The following PHACTR1 variants were observed in gnomAD, a reference collection of about 807,000 sequenced individuals.
PHACTR1 encodes phosphatase and actin regulator 1.
Under a neutral mutation model 69.2 loss-of-function variants are expected in PHACTR1, and 16 were observed. The ratio of observed to expected loss-of-function variants is 0.23; its 90% CI spans 0.16 to 0.35. The LOEUF (loss-of-function observed/expected upper bound fraction) is 0.35. Ranked by LOEUF, PHACTR1 falls within the 10% of genes least tolerant of loss-of-function variation. The pLI is 1.00. For synonymous variants in PHACTR1, 312 were observed against 284.5 expected (o/e 1.10, Z -0.97); for missense variants, 510 against 734.7 (o/e 0.69, Z 3.54).
intron 10 of PHACTR1, chr6:13,264,872 A>G (rs1303229750): frequency 6.6e-6 from 1 of 152,066 alleles, no homozygotes; most frequent in Non-Finnish European, 1.5e-5. Flanking sequence ...AAAATTAAAA[A>G]TTAGCTAGGT....
intron 4 of PHACTR1, among the ~76,000 whole-genome samples, chr6:12,940,230 T>C (rs956963370): frequency 3.9e-5 from 6 of 152,214 alleles, no homozygotes; most frequent in African/African-American, 1.4e-4. Flanking sequence ...GGAATGATTT[T>C]TGGTACATGT....
chr6:13,148,066 T>C lies in PHACTR1; in HGVS notation c.416-12138T>C, dbSNP rs149389208. Reference sequence around the variant, plus strand: ...AGATACATTTCTCTAAACCATATATTGAGTTTTTCTGGTTTTTGAACTTTA... The same window carrying C: ...AGATACATTTCTCTAAACCATATATCGAGTTTTTCTGGTTTTTGAACTTTA... On this transcript the variant is annotated intron_variant, in intron 5 of 14. Coordinates refer to ENST00000332995, the MANE Select transcript of PHACTR1 (RefSeq NM_030948.6). 6.6e-5 allele frequency among the ~76,000 whole-genome samples: 10 copies of C among 152,200 alleles called. No homozygotes were observed. In the East Asian group the frequency reaches 7.7e-4, roughly 12 times the overall value.
rs573048065 is a variant in PHACTR1 at position 12,907,901 on chromosome 6, C to T, written c.251-145464C>T. On this transcript the variant is annotated intron_variant, in intron 4 of 14. Coordinates refer to ENST00000332995, the MANE Select transcript of PHACTR1 (RefSeq NM_030948.6). ...AGAGGCTCCTTGAGGCCTTTTCTTA[C>T]GATGCAGAGTGGTAGTATAATGGAA... Among the ~76,000 whole-genome samples the T allele has an allele frequency of 7.9e-5, 12 of 152,220 alleles. No homozygotes were observed. In the South Asian group the frequency reaches 8.3e-4, roughly 11 times the overall value.
intron 4 of PHACTR1, among the ~76,000 whole-genome samples, chr6:12,779,794 T>C (rs540088657): frequency 6.6e-6 from 1 of 152,350 alleles, no homozygotes; most frequent in African/African-American, 2.4e-5. Context: ...TGCAGCTATA[T>C]ATACTTACAT....
At chr6:12,775,933 A>G (rs534004449) in intron 4 of PHACTR1, among the ~76,000 whole-genome samples, 1 of 152,334 alleles carries the variant, frequency 6.6e-6, no homozygotes, top group South Asian at 2.1e-4. Flanking sequence ...TTAAATGCTT[A>G]CTTTATACCA....
intron 4 of PHACTR1, among the ~76,000 whole-genome samples, chr6:12,956,960 C>T (rs551539625): frequency 6.6e-6 from 1 of 152,048 alleles, no homozygotes; most frequent in South Asian, 2.1e-4. Context: ...AGAATTGAAC[C>T]GAAGGGAACT....
intron 4 of PHACTR1, among the ~76,000 whole-genome samples, chr6:12,821,462 CAAAAAAAAAA>C (rs71552718): frequency 1.2e-5 from 1 of 80,942 alleles, no homozygotes; most frequent in Non-Finnish European, 2.5e-5. Flanking sequence ...GATTTCACAT[CAAAAAAAAAA>C]AAAAAAAAAA....
intron 4 of PHACTR1, among the ~76,000 whole-genome samples, chr6:12,958,291 A>G (rs1305089043): frequency 6.6e-6 from 1 of 152,218 alleles, no homozygotes; most frequent in Non-Finnish European, 1.5e-5. Flanking sequence ...TTCACTTGCA[A>G]ATCTCACTGC....
At chr6:12,847,215 G>C in intron 4 of PHACTR1, among the ~76,000 whole-genome samples, 1 of 152,026 alleles carries the variant, frequency 6.6e-6, no homozygotes, top group East Asian at 1.9e-4. Flanking sequence ...GACCACACCT[G>C]GTATAATCAC....
chr6:12,941,224 A>G (rs1401022213), intron 4 of PHACTR1, among the ~76,000 whole-genome samples: 1 of 152,210 alleles, frequency 6.6e-6, no homozygotes, highest in East Asian at 1.9e-4. Context: ...AAACCAGACC[A>G]GCAGTAAAGT....
At chr6:12,891,293 A>G (rs1784147895) in intron 4 of PHACTR1, among the ~76,000 whole-genome samples, 1 of 152,098 alleles carries the variant, frequency 6.6e-6, no homozygotes, top group South Asian at 2.1e-4. Context: ...TTAACATGCT[A>G]AAGTGGGTAA....
At chr6:12,944,773 A>ATTTTTTTTTTTT (rs1582625752) in intron 4 of PHACTR1, among the ~76,000 whole-genome samples, 1 of 106,082 alleles carries the variant, frequency 9.4e-6, no homozygotes, top group African/African-American at 4.4e-5. Flanking sequence ...TTATTTATTT[A>ATTTTTTTTTTTT]TTTATTTTTA....
chr6:12,911,141 C>G (rs1045465056), intron 4 of PHACTR1, among the ~76,000 whole-genome samples: 1 of 152,142 alleles, frequency 6.6e-6, no homozygotes, highest in African/African-American at 2.4e-5. Context: ...CTCAGGAAAT[C>G]CCTGTTGACT....
At chr6:13,193,154 C>G (rs1475437833) in intron 7 of PHACTR1, among the ~76,000 whole-genome samples, 1 of 151,686 alleles carries the variant, frequency 6.6e-6, no homozygotes, top group Non-Finnish European at 1.5e-5. Context: ...CAACTACAGA[C>G]AGTTAGACCA....
At chr6:13,149,664 G>A (rs1824006337) in intron 5 of PHACTR1, among the ~76,000 whole-genome samples, 1 of 152,134 alleles carries the variant, frequency 6.6e-6, no homozygotes, top group African/African-American at 2.4e-5. Flanking sequence ...ACAGAGAGCA[G>A]AGATCAGGAT....
At chr6:13,229,561 A>G (rs1407965971) in intron 9 of PHACTR1, among the ~76,000 whole-genome samples, 2 of 151,298 alleles carry the variant, frequency 1.3e-5, no homozygotes, top group Non-Finnish European at 2.9e-5. Context: ...AGTGTAGTTG[A>G]TCTTTTCTGT....
chr6:13,068,186 G>T (rs187096066), intron 5 of PHACTR1, among the ~76,000 whole-genome samples: 214 of 152,202 alleles, frequency 1.4e-3, no homozygotes, highest in Non-Finnish European at 2.1e-3. Context: ...GCATAGTGGC[G>T]TGCGCCTGTA....
At chr6:13,284,555 T>A (rs1366312354) in intron 13 of PHACTR1, among the ~76,000 whole-genome samples, 23 of 113,076 alleles carry the variant, frequency 2.0e-4, no homozygotes, top group South Asian at 8.3e-4. Context: ...TATATATATA[T>A]ATATATATAT....
At chr6:13,286,062 A>C in intron 13 of PHACTR1, 84 bp from the exon 14 acceptor site, 3 of 1,170,922 alleles carry the variant, frequency 2.6e-6, no homozygotes, top group Non-Finnish European at 3.6e-6. Context: ...GAAGAAGAAA[A>C]ATATGTTGTT....
Sources: gnomAD v4.1 joint callset for allele counts (sites outside exome capture counted in the v4.1 genomes callset) on GRCh38, gnomAD v4.1.1 for gene constraint, MANE v1.5 for transcripts, NCBI Gene and HGNC (gene_info 2026-07-23, HGNC 2026-07-21) for gene names.